OPCML: variants seen among roughly 807,000 people sequenced by gnomAD.
The protein encoded by OPCML is opioid binding protein/cell adhesion molecule like, also known as opioid-binding protein/cell adhesion molecule.
A neutral mutation model predicts 37.8 loss-of-function variants in OPCML; 13 were observed. The observed-to-expected ratio is 0.34, with a 90% confidence interval of 0.22 to 0.55. OPCML has a LOEUF of 0.55. OPCML is among the 20% of genes least tolerant of loss of function. The pLI is 0.91. For missense variants in OPCML, 341 were observed against 435.6 expected (o/e 0.78, Z 1.93); for synonymous variants, 176 against 168.8 (o/e 1.04, Z -0.33).
intron 1 of OPCML, among the ~76,000 whole-genome samples, chr11:133,276,556 C>T (rs1942000590): frequency 6.6e-6 from 1 of 152,086 alleles, no homozygotes; most frequent in South Asian, 2.1e-4. Context: ...CATCCAAAAG[C>T]GTAATATTGA....
chr11:133,053,575 T>C (rs1167068728), intron 1 of OPCML, among the ~76,000 whole-genome samples: 1 of 152,248 alleles, frequency 6.6e-6, no homozygotes, highest in African/African-American at 2.4e-5. Flanking sequence ...AAAACAATGA[T>C]GAAATTTCCT....
chr11:132,440,369 T>C (rs11223072), intron 4 of OPCML, among the ~76,000 whole-genome samples: 3,176 of 152,078 alleles, frequency 0.021, 57 homozygotes, highest in Non-Finnish European at 0.033. Context: ...TCTGATCCAG[T>C]AGGTCTGGAG....
At chr11:133,034,105 G>A (rs1308173927) in intron 1 of OPCML, among the ~76,000 whole-genome samples, 1 of 152,138 alleles carries the variant, frequency 6.6e-6, no homozygotes, top group Non-Finnish European at 1.5e-5. Flanking sequence ...GCTTTCAGTG[G>A]TGATATTTTG....
chr11:132,702,485 C>G (rs148784897), intron 2 of OPCML, among the ~76,000 whole-genome samples: 1 of 152,124 alleles, frequency 6.6e-6, no homozygotes, highest in East Asian at 1.9e-4. Context: ...CTGCATTTAA[C>G]GTTCTTTCTT....
intron 2 of OPCML, among the ~76,000 whole-genome samples, chr11:132,661,216 T>C (rs1166298840): frequency 1.3e-5 from 2 of 152,126 alleles, no homozygotes; most frequent in African/African-American, 4.8e-5. Context: ...GGCCTCCTTA[T>C]GGGCCTGGAG....
rs962115832 is a variant in OPCML, at chr11:132,955,051, G to T, written c.62-12041C>A. On this transcript the variant is annotated intron_variant, in intron 1 of 7. Transcript: ENST00000524381. ...AAGGTGTTTTGCTGCTGAGGCAGCA[G>T]AAGTGAGGCAGTGGTGAGCTGAGGA... Among the ~76,000 whole-genome samples the T allele has an allele frequency of 2.0e-5, 3 of 152,186 alleles. No homozygotes were observed. The South Asian group carries it at 6.2e-4, about 32-fold the overall frequency.
intron 3 of OPCML, among the ~76,000 whole-genome samples, chr11:132,638,581 C>A (rs540695297): frequency 6.6e-6 from 1 of 152,192 alleles, no homozygotes; most frequent in South Asian, 2.1e-4. Flanking sequence ...GTAACTTCCC[C>A]AATTACTCTT....
chr11:132,603,871 A>C (rs539859735), intron 3 of OPCML, among the ~76,000 whole-genome samples: 1 of 152,150 alleles, frequency 6.6e-6, no homozygotes, highest in Non-Finnish European at 1.5e-5. Flanking sequence ...TTTAGCAATG[A>C]TCTTGTATCC....
chr11:132,723,197 A>C (rs1944739591), intron 2 of OPCML, among the ~76,000 whole-genome samples: 2 of 152,256 alleles, frequency 1.3e-5, no homozygotes, highest in African/African-American at 2.4e-5. Context: ...TCATATAAAA[A>C]ACAACCATAG....
At chr11:132,539,799 A>G (rs922563725) in intron 3 of OPCML, among the ~76,000 whole-genome samples, 7 of 152,028 alleles carry the variant, frequency 4.6e-5, no homozygotes, top group African/African-American at 1.5e-4. Context: ...AATGACGGTA[A>G]TGATGATGGT....
At chr11:132,813,697 C>T (rs1215055743) in intron 2 of OPCML, among the ~76,000 whole-genome samples, 2 of 152,158 alleles carry the variant, frequency 1.3e-5, no homozygotes, top group Non-Finnish European at 1.5e-5. Flanking sequence ...TTTTGTCCAG[C>T]TTTATCCCTC....
Position 132,808,122 on chromosome 11 carries a change from T to C in OPCML, c.146+134804A>G, listed in dbSNP as rs554334897. Among the ~76,000 whole-genome samples, 6 of 152,316 alleles carry C rather than the reference T, an allele frequency of 3.9e-5. No individual in the cohort carries two copies. The South Asian group carries it at 1.2e-3, about 32-fold the overall frequency. The stretch of plus-strand genomic sequence containing the variant: ...TCAAATATCAGCAATTTCATTTGGT[T>C]CAATTTTATACTAGGGGATGGGAAC... On this transcript the variant is annotated intron_variant, in intron 2 of 7. Coordinates refer to ENST00000524381, the MANE Select transcript of OPCML (RefSeq NM_001012393.5).
At chr11:132,964,939 C>G (rs1436738817) in intron 1 of OPCML, among the ~76,000 whole-genome samples, 1 of 152,200 alleles carries the variant, frequency 6.6e-6, no homozygotes, top group Non-Finnish European at 1.5e-5. Context: ...TCATTTACTT[C>G]AAATCTCTGC....
At chr11:132,717,639 T>TA (rs1255008362) in intron 2 of OPCML, among the ~76,000 whole-genome samples, 1 of 152,134 alleles carries the variant, frequency 6.6e-6, no homozygotes, top group African/African-American at 2.4e-5. Context: ...GTATTGTAGT[T>TA]AAAAAAGTTA....
At chr11:132,508,930 G>A (rs2096263101) in intron 4 of OPCML, among the ~76,000 whole-genome samples, 1 of 152,204 alleles carries the variant, frequency 6.6e-6, no homozygotes, top group Non-Finnish European at 1.5e-5. Context: ...TTGTAACTGG[G>A]TAACAGGCAG....
intron 1 of OPCML, among the ~76,000 whole-genome samples, chr11:133,273,296 C>G (rs1252925217): frequency 6.6e-6 from 1 of 152,114 alleles, no homozygotes; most frequent in African/African-American, 2.4e-5. Flanking sequence ...TACCAGGCCT[C>G]TGGACTGCAA....
chr11:132,573,898 A>G (rs150536837), intron 3 of OPCML, among the ~76,000 whole-genome samples: 30 of 152,036 alleles, frequency 2.0e-4, no homozygotes, highest in African/African-American at 7.0e-4. Flanking sequence ...TACTGGTTCA[A>G]TCTTCATACT....
intron 3 of OPCML, among the ~76,000 whole-genome samples, chr11:132,543,899 C>T (rs1245312225): frequency 6.6e-6 from 1 of 152,084 alleles, no homozygotes; most frequent in Non-Finnish European, 1.5e-5. Flanking sequence ...ATCTTTAAAA[C>T]CTTCCTCAAT....
chr11:133,057,873 A>G (rs1948268974), intron 1 of OPCML, among the ~76,000 whole-genome samples: 1 of 152,218 alleles, frequency 6.6e-6, no homozygotes, highest in African/African-American at 2.4e-5. Context: ...ACAAAGTTCC[A>G]GGTGTTTGCA....
Sources: gnomAD v4.1 joint callset for allele counts (sites outside exome capture counted in the v4.1 genomes callset) on GRCh38, gnomAD v4.1.1 for gene constraint, MANE v1.5 for transcripts, NCBI Gene and HGNC (gene_info 2026-07-23, HGNC 2026-07-21) for gene names.